TSHR: variants seen among roughly 807,000 people sequenced by gnomAD.
TSHR encodes the protein thyrotropin receptor.
A neutral mutation model predicts 64.1 loss-of-function variants in TSHR; 51 were observed. That is an observed-to-expected ratio of 0.80 (90% CI 0.64 to 1.01). The LOEUF (loss-of-function observed/expected upper bound fraction) is 1.01. Among genes scored for constraint, TSHR ranks in the 50% least tolerant of loss-of-function variants. The pLI is 0.00. For missense variants in TSHR, 877 were observed against 942.8 expected, an observed-to-expected ratio of 0.93 and a Z score of 0.91; for synonymous variants, 361 against 361.9, an observed-to-expected ratio of 1.00 and a Z score of 0.03.
intron 1 of TSHR, among the ~76,000 whole-genome samples, chr14:80,975,246 C>T (rs1289456638): frequency 6.6e-6 from 1 of 152,136 alleles, no homozygotes; most frequent in Admixed American, 6.5e-5. Context: ...TCTGAAAGAA[C>T]TTGACTATTA....
At chr14:81,088,156 G>A (rs961692540) in intron 4 of TSHR, 128 bp downstream of exon 4, 17 of 756,714 alleles carry the variant, frequency 2.2e-5, no homozygotes, top group African/African-American at 5.3e-5. Flanking sequence ...AGCCTGGGTC[G>A]GGGGCAAGGT....
intron 1 of TSHR, chr14:81,032,852 T>C (rs1884419785): frequency 2.7e-6 from 1 of 366,696 alleles, no homozygotes; most frequent in Non-Finnish European, 5.3e-6. Context: ...AACTGGAGGC[T>C]AGTGACTGTG....
rs1202759881 is a variant in TSHR, at chr14:80,962,353, C to T, written c.170+6503C>T. ...TTAAAACAACAGAAATTTACTCTCT[C>T]ACAGTTCTGGAAGCTAAAAGTTGGA... On this transcript the variant is annotated intron_variant, in intron 1 of 9. Coordinates refer to ENST00000298171, the MANE Select transcript of TSHR (RefSeq NM_000369.5). Among the ~76,000 whole-genome samples, 3 of 152,118 alleles carry T rather than the reference C, an allele frequency of 2.0e-5. No individual in the cohort carries two copies. In the East Asian group the frequency reaches 5.8e-4, roughly 29 times the overall value.
In TSHR at chr14:81,096,715, A is replaced by G. The variant is rs753356802; in HGVS notation, c.614+8A>G. On this transcript the variant is annotated splice_region_variant and intron_variant, in intron 7 of 9. Transcript: ENST00000298171. ...GACAAAGCTGGATGCTGTGTAAGTC[A>G]AGGGTAGCCATGAAAACTGTCACTT... is the stretch of plus-strand genomic sequence containing the variant. 9 of 1,613,054 alleles carry G rather than the reference A, an allele frequency of 5.6e-6. No homozygotes were observed. The Admixed American group carries it at 1.5e-4, about 27-fold the overall frequency.
rs1887484058 is a variant in TSHR at position 81,076,118 on chromosome 14, G to A, written c.317+7790G>A. Among the ~76,000 whole-genome samples, 3 of 152,118 alleles carry A rather than the reference G, an allele frequency of 2.0e-5. No individual in the cohort carries two copies. The South Asian group carries it at 6.2e-4, about 31-fold the overall frequency. ...AAGGAGATCACATGGACACAGGAAG[G>A]GGAACATCACACTCTGAAGACCATT... On this transcript the variant is annotated intron_variant, in intron 3 of 9. Coordinates refer to ENST00000298171, the MANE Select transcript of TSHR (RefSeq NM_000369.5).
In TSHR at chr14:81,103,560, A is replaced by G. The variant is rs968279311; in HGVS notation, c.615-4815A>G. On this transcript the variant is annotated intron_variant, in intron 7 of 9. Transcript: ENST00000298171. This position sits in a 1 kb window ranked among gnomAD's most constrained non-coding sequence, Gnocchi z 4.1. ...AGTGCTGATGCCTCAGCAGCAGTCA[A>G]GCAATTAGTTAGGATTTCATGAAAA... 4.3e-5 allele frequency: 42 copies of G among 985,364 alleles called. No homozygotes were observed. The highest frequency in any genetic ancestry group is 7.0e-5 in the African/African-American group (4 of 57,258). The allele number at this position is 985,364 out of a possible 1,614,324, so 61.0% of individuals were successfully genotyped here. A position where few individuals can be genotyped will look rare whatever the true frequency, so the allele number is the denominator to read the frequency against.
rs1164047673 is a variant in TSHR at position 81,035,656 on chromosome 14, T to A, written c.171-26492T>A. ...ATTCCATTGTTTATTCCCTACCACATCATTTCCATAATTGGCTGTTGTACT... is the reference window on the plus strand; with the variant it reads ...ATTCCATTGTTTATTCCCTACCACAACATTTCCATAATTGGCTGTTGTACT... On this transcript the variant is annotated intron_variant, in intron 1 of 9. Transcript: ENST00000298171. Among the ~76,000 whole-genome samples, 3 of 152,210 alleles carry A rather than the reference T, an allele frequency of 2.0e-5. 1 individual carries two copies. Among genetic ancestry groups the A allele is most frequent in the South Asian group, 4.1e-4 (2 of 4,836 alleles).
intron 1 of TSHR, among the ~76,000 whole-genome samples, chr14:81,027,669 G>A (rs926704440): frequency 4.6e-5 from 7 of 151,906 alleles, no homozygotes; most frequent in Non-Finnish European, 1.0e-4. Flanking sequence ...AAACGTAGGG[G>A]AAAAAAACCT....
At chr14:80,971,813 C>G (rs1471890915) in intron 1 of TSHR, among the ~76,000 whole-genome samples, 1 of 152,186 alleles carries the variant, frequency 6.6e-6, no homozygotes, top group Non-Finnish European at 1.5e-5. Flanking sequence ...TTGACAGTTA[C>G]TTTGGCAACT....
chr14:81,117,910 G>A (rs1890597482), intron 8 of TSHR, among the ~76,000 whole-genome samples: 4 of 38,348 alleles, frequency 1.0e-4, no homozygotes, highest in Non-Finnish European at 2.0e-4. Context: ...TATAAACAGA[G>A]CCAAAGACAA....
chr14:81,005,303 C>T (rs1365930766), intron 1 of TSHR, among the ~76,000 whole-genome samples: 1 of 151,860 alleles, frequency 6.6e-6, no homozygotes, highest in Non-Finnish European at 1.5e-5. Flanking sequence ...TATATTGGCA[C>T]TCTGAAATAT....
Position 81,007,639 on chromosome 14 carries a change from C to T in TSHR, c.170+51789C>T, listed in dbSNP as rs113270302. Among the ~76,000 whole-genome samples, 73 of 152,290 alleles carry T rather than the reference C, an allele frequency of 4.8e-4. 3 individuals carry two copies. Among genetic ancestry groups the T allele is most frequent in the African/African-American group, 1.7e-3 (70 of 41,560 alleles). On this transcript the variant is annotated intron_variant, in intron 1 of 9. Transcript: ENST00000298171. ...TGTTTATCAGGTTTCTCCACTTTCT[C>T]CCATAATATTACTCTTTTCTCCTTC...
intron 6 of TSHR, 48 bp downstream of exon 6, chr14:81,092,656 A>G (rs962149688): frequency 3.8e-6 from 6 of 1,569,580 alleles, no homozygotes; most frequent in Non-Finnish European, 5.3e-6. Flanking sequence ...TTCTATTTTG[A>G]GCCATTTTCA....
At chr14:80,981,365 C>T (rs990211400) in intron 1 of TSHR, among the ~76,000 whole-genome samples, 10 of 152,044 alleles carry the variant, frequency 6.6e-5, no homozygotes, top group Non-Finnish European at 1.3e-4. Flanking sequence ...GATGCAGTGG[C>T]GTCAGGAGCA....
intron 3 of TSHR, among the ~76,000 whole-genome samples, chr14:81,069,418 G>A (rs1275455371): frequency 6.6e-6 from 1 of 152,126 alleles, no homozygotes; most frequent in African/African-American, 2.4e-5. Flanking sequence ...ATTGGTCTGA[G>A]AATAACTTAA....
intron 1 of TSHR, among the ~76,000 whole-genome samples, chr14:80,996,215 T>C (rs1889014539): frequency 6.6e-6 from 1 of 152,120 alleles, no homozygotes; most frequent in African/African-American, 2.4e-5. Flanking sequence ...GGATCAATCA[T>C]TCTTACTCCT....
intron 1 of TSHR, among the ~76,000 whole-genome samples, chr14:80,966,070 G>C (rs1887285095): frequency 6.6e-6 from 1 of 152,116 alleles, no homozygotes; most frequent in Admixed American, 6.5e-5. Context: ...GAAGCTTTTG[G>C]CTTATATTTT....
chr14:81,137,781 T>C (rs1460279330), intron 8 of TSHR, among the ~76,000 whole-genome samples: 3 of 152,254 alleles, frequency 2.0e-5, no homozygotes, highest in Non-Finnish European at 4.4e-5. Context: ...AAGAAATATG[T>C]ATTAAAATGC....
chr14:81,000,393 A>G (rs907609008), intron 1 of TSHR, among the ~76,000 whole-genome samples: 4 of 151,798 alleles, frequency 2.6e-5, no homozygotes, highest in Non-Finnish European at 5.9e-5. Context: ...ACTGCTGGGA[A>G]CACCAGGAAT....
Sources: gnomAD v4.1 joint callset for allele counts (sites outside exome capture counted in the v4.1 genomes callset) on GRCh38, gnomAD v4.1.1 for gene constraint, Gnocchi (gnomAD v3.1) non-coding constraint, MANE v1.5 for transcripts, NCBI Gene and HGNC (gene_info 2026-07-23, HGNC 2026-07-21) for gene names.